NFIA: variants seen among roughly 807,000 people sequenced by gnomAD.
NFIA encodes the protein nuclear factor I A.
NFIA carries 8 observed loss-of-function variants against 62.8 expected under a neutral mutation model. The ratio of observed to expected loss-of-function variants is 0.13; its 90% CI spans 0.07 to 0.23. NFIA has a LOEUF of 0.23. Among genes scored for constraint, NFIA ranks in the 10% least tolerant of loss-of-function variants. The pLI is 1.00. For synonymous variants in NFIA, 235 were observed against 238.1 expected, an observed-to-expected ratio of 0.99 and a Z score of 0.12; for missense variants, 410 against 642.1, an observed-to-expected ratio of 0.64 and a Z score of 3.91.
intron 6 of NFIA, among the ~76,000 whole-genome samples, chr1:61,376,306 T>G (rs527458708): frequency 5.9e-5 from 9 of 152,288 alleles, no homozygotes; most frequent in African/African-American, 1.9e-4. Context: ...GAGAAGAATT[T>G]TTGTCCTTTC....
chr1:61,257,944 G>GCT (rs935837474), intron 2 of NFIA, among the ~76,000 whole-genome samples: 6 of 131,024 alleles, frequency 4.6e-5, no homozygotes, highest in African/African-American at 1.8e-4. Flanking sequence ...CTTAAATGAT[G>GCT]CTCTCATCTT....
intron 2 of NFIA, among the ~76,000 whole-genome samples, chr1:61,187,658 G>A (rs919638886): frequency 4.6e-5 from 7 of 152,350 alleles, no homozygotes; most frequent in South Asian, 2.1e-4. Context: ...TTAGCAGCAG[G>A]AGTAGAGAAG....
intron 4 of NFIA, among the ~76,000 whole-genome samples, chr1:61,335,570 C>T (rs367553707): frequency 2.6e-5 from 4 of 152,198 alleles, no homozygotes; most frequent in East Asian, 1.9e-4. Context: ...TGGCCAGGCG[C>T]GGTGGCTCAT....
chr1:61,371,582 G>T (rs1004521024), intron 6 of NFIA, among the ~76,000 whole-genome samples: 4 of 152,142 alleles, frequency 2.6e-5, no homozygotes, highest in African/African-American at 9.7e-5. Flanking sequence ...GTCATTATCT[G>T]CCACTTGGCC....
chr1:61,359,352 A>G (rs1004351965), intron 6 of NFIA, 78 bp downstream of exon 6: 13 of 1,593,524 alleles, frequency 8.2e-6, no homozygotes, highest in Non-Finnish European at 1.1e-5. Flanking sequence ...GCCACGCATA[A>G]AAGTGAAGAA....
At chr1:61,328,408 A>G (rs180688810) in intron 3 of NFIA, among the ~76,000 whole-genome samples, 2,753 of 143,274 alleles carry the variant, frequency 0.019, 38 homozygotes, top group Middle Eastern at 0.028. Context: ...TCTCCTTCAT[A>G]TCATTTATTT....
At chr1:61,215,434 G>A (rs1369554366) in intron 2 of NFIA, among the ~76,000 whole-genome samples, 5 of 151,594 alleles carry the variant, frequency 3.3e-5, no homozygotes, top group African/African-American at 1.2e-4. Flanking sequence ...ACTTTATTAG[G>A]AGATATTATT....
chr1:61,151,742 G>A (rs1027020591), intron 2 of NFIA, among the ~76,000 whole-genome samples: 1 of 152,124 alleles, frequency 6.6e-6, no homozygotes, highest in Admixed American at 6.5e-5. Context: ...TCTGGGTCCT[G>A]AGTGCTGCTT....
intron 9 of NFIA, among the ~76,000 whole-genome samples, chr1:61,414,370 A>C (rs1428189041): frequency 2.0e-5 from 3 of 152,222 alleles, no homozygotes; most frequent in Non-Finnish European, 4.4e-5. Flanking sequence ...AGCCAGATTG[A>C]GAAAGACAAG....
intron 2 of NFIA, among the ~76,000 whole-genome samples, chr1:61,095,437 C>A (rs898473504): frequency 6.6e-6 from 1 of 152,174 alleles, no homozygotes; most frequent in Non-Finnish European, 1.5e-5. Context: ...GATTTCAAAT[C>A]TTATGCTCTT....
intron 4 of NFIA, among the ~76,000 whole-genome samples, chr1:61,334,577 A>C (rs189503049): frequency 1.4e-5 from 1 of 69,746 alleles, no homozygotes; most frequent in African/African-American, 6.4e-5. Flanking sequence ...ATATATATAT[A>C]TATATATATA....
At chr1:61,443,153 G>A (rs555754082) in intron 10 of NFIA, among the ~76,000 whole-genome samples, 2 of 152,164 alleles carry the variant, frequency 1.3e-5, no homozygotes, top group South Asian at 2.1e-4. Context: ...GAAAAGTGAC[G>A]GCTCAATATT....
At position 61,332,604 on chromosome 1, in the gene NFIA, T is replaced by C; in HGVS notation, c.700+18T>C. On this transcript the variant is annotated intron_variant, in intron 4 of 10. Transcript: ENST00000403491. ...GTCACAGAGTAAGTATAATTTTGCT[T>C]TGATTTGGTACAGATTTGCCTTGGT... 9.3e-6 allele frequency: 15 copies of C among 1,610,270 alleles called. No homozygotes were observed. Among genetic ancestry groups the C allele is most frequent in the Non-Finnish European group, 1.2e-5 (14 of 1,176,680 alleles).
intron 2 of NFIA, among the ~76,000 whole-genome samples, chr1:61,224,596 C>T (rs1654214836): frequency 6.6e-6 from 1 of 152,070 alleles, no homozygotes; most frequent in African/African-American, 2.4e-5. Flanking sequence ...TCCTGCTGAC[C>T]CTTCTGTTTA....
intron 2 of NFIA, among the ~76,000 whole-genome samples, chr1:61,139,817 A>G (rs1329712418): frequency 1.4e-5 from 2 of 147,338 alleles, no homozygotes; most frequent in African/African-American, 5.1e-5. Context: ...CAGGCTAAGC[A>G]TATTTTTCCT....
At position 61,357,410 on chromosome 1, in the gene NFIA, A is replaced by G. The variant is rs545252443; in HGVS notation, c.819-1737A>G. On this transcript the variant is annotated intron_variant, in intron 5 of 10. Coordinates refer to ENST00000403491, the MANE Select transcript of NFIA (RefSeq NM_001134673.4). Reference sequence around the variant, plus strand: ...GGGGAGGCAAGGTTGGAAGAAATGTATGGAGTTTAAGACAATGACAGTTTG... The same window carrying G: ...GGGGAGGCAAGGTTGGAAGAAATGTGTGGAGTTTAAGACAATGACAGTTTG... 3.3e-5 allele frequency among the ~76,000 whole-genome samples: 5 copies of G among 152,338 alleles called. No individual in the cohort carries two copies. The East Asian group carries it at 7.7e-4, about 24-fold the overall frequency.
intron 2 of NFIA, among the ~76,000 whole-genome samples, chr1:61,218,057 G>A (rs1653758621): frequency 6.6e-6 from 1 of 152,144 alleles, no homozygotes. Context: ...AGCTCCTAAG[G>A]CATGATTATA....
intron 2 of NFIA, among the ~76,000 whole-genome samples, chr1:61,159,680 C>CT (rs11300026): frequency 0.017 from 1,484 of 85,802 alleles, 48 homozygotes; most frequent in African/African-American, 0.049. Context: ...AATGTAGATG[C>CT]TTTTTTTTTT....
intron 2 of NFIA, among the ~76,000 whole-genome samples, chr1:61,235,061 C>G (rs1654909453): frequency 6.6e-6 from 1 of 152,102 alleles, no homozygotes; most frequent in African/African-American, 2.4e-5. Context: ...GAAGCTATTC[C>G]CACAAAAATA....
Sources: gnomAD v4.1 joint callset for allele counts (sites outside exome capture counted in the v4.1 genomes callset) on GRCh38, gnomAD v4.1.1 for gene constraint, MANE v1.5 for transcripts, NCBI Gene and HGNC (gene_info 2026-07-23, HGNC 2026-07-21) for gene names.